ITGBL1: variants seen among roughly 807,000 people sequenced by gnomAD.
ITGBL1 encodes the protein integrin subunit beta like 1.
A neutral mutation model predicts 68.5 loss-of-function variants in ITGBL1; 51 were observed. That is an observed-to-expected ratio of 0.74 (90% confidence interval 0.59 to 0.94). The LOEUF (loss-of-function observed/expected upper bound fraction) is 0.94. Among genes scored for constraint, ITGBL1 ranks in the 40% least tolerant of loss-of-function variants. The pLI is 0.00. For missense variants in ITGBL1, 649 were observed against 647.4 expected, an observed-to-expected ratio of 1.00 and a Z score of -0.03; for synonymous variants, 209 against 227.3, an observed-to-expected ratio of 0.92 and a Z score of 0.72.
At chr13:101,505,070 C>G (rs987903873) in intron 2 of ITGBL1, among the ~76,000 whole-genome samples, 5 of 152,048 alleles carry the variant, frequency 3.3e-5, no homozygotes, top group African/African-American at 1.2e-4. Flanking sequence ...ATCTCTCAAG[C>G]CTCCCTACTT....
Position 101,709,736 on chromosome 13 carries a change from G to T in ITGBL1, c.1279+2834G>T, listed in dbSNP as rs576474244. ...TAAGAGTCAACTATTGTTTGTGTTT[G>T]TGTGTTTACTACGCTCACTATTGAA... is the stretch of plus-strand genomic sequence containing the variant. On this transcript the variant is annotated intron_variant, in intron 9 of 10. Coordinates refer to ENST00000376180, the MANE Select transcript of ITGBL1 (RefSeq NM_004791.3). 2.6e-5 allele frequency among the ~76,000 whole-genome samples: 4 copies of T among 152,312 alleles called. No individual in the cohort carries two copies. In the South Asian group the frequency reaches 8.3e-4, roughly 32 times the overall value.
intron 7 of ITGBL1, among the ~76,000 whole-genome samples, chr13:101,646,734 T>A (rs567104938): frequency 6.6e-6 from 1 of 152,018 alleles, no homozygotes; most frequent in Non-Finnish European, 1.5e-5. Flanking sequence ...AATAAGAGAA[T>A]TAAATGGTTA....
intron 2 of ITGBL1, among the ~76,000 whole-genome samples, chr13:101,466,025 AGAAAGGCCAAGAAAACTTG>A (rs2048377548): frequency 6.6e-6 from 1 of 152,198 alleles, no homozygotes; most frequent in Non-Finnish European, 1.5e-5. Flanking sequence ...ACGTGGAGTC[AGAAAGGCCAAGAAAACTTG>A]GAGGGGAGGG....
chr13:101,586,881 TTAAC>T (rs2050566592), intron 6 of ITGBL1, among the ~76,000 whole-genome samples: 1 of 152,206 alleles, frequency 6.6e-6, no homozygotes, highest in African/African-American at 2.4e-5. Context: ...TTTTTCCTAA[TTAAC>T]AGTCTAAGTT....
At chr13:101,635,448 C>T (rs2032139992) in intron 7 of ITGBL1, among the ~76,000 whole-genome samples, 1 of 151,942 alleles carries the variant, frequency 6.6e-6, no homozygotes, top group Non-Finnish European at 1.5e-5. Context: ...ATAACTCATG[C>T]TAGTCATAGA....
At chr13:101,657,439 T>A (rs1566778827) in intron 7 of ITGBL1, among the ~76,000 whole-genome samples, 1 of 152,194 alleles carries the variant, frequency 6.6e-6, no homozygotes, top group Non-Finnish European at 1.5e-5. Flanking sequence ...ACTTGACTCC[T>A]CAAGTGCCCA....
intron 7 of ITGBL1, among the ~76,000 whole-genome samples, chr13:101,607,279 G>A (rs889786326): frequency 1.4e-4 from 22 of 151,930 alleles, no homozygotes; most frequent in Non-Finnish European, 1.5e-5. Context: ...TTACATAATT[G>A]CAATGGTGCA....
chr13:101,560,599 A>G (rs1333375032), intron 2 of ITGBL1, among the ~76,000 whole-genome samples: 1 of 152,214 alleles, frequency 6.6e-6, no homozygotes, highest in African/African-American at 2.4e-5. Flanking sequence ...CTTTTAAAAG[A>G]TATTGCAAAA....
intron 7 of ITGBL1, among the ~76,000 whole-genome samples, chr13:101,604,446 G>A (rs1372650206): frequency 1.3e-5 from 2 of 151,710 alleles, no homozygotes; most frequent in African/African-American, 4.8e-5. Flanking sequence ...GCCTCTTGAA[G>A]TACTTTAAAA....
chr13:101,706,833 T>C lies in ITGBL1; in HGVS notation c.1210T>C (p.Cys404Arg). 2 of 1,614,164 alleles carry C rather than the reference T, an allele frequency of 1.2e-6. No homozygotes were observed. The highest frequency in any genetic ancestry group is 1.7e-6 in the Non-Finnish European group (2 of 1,180,022). Reference sequence around the variant, plus strand: ...AAAGCTCTGCCAACATCCGCGGAAGTGTAACATGACGGAAGAACAAAGCAA... The same window carrying C: ...AAAGCTCTGCCAACATCCGCGGAAGCGTAACATGACGGAAGAACAAAGCAA... ...FGKLCQHPRK[C>R]NMTEEQSKNL... Residue 404 changes from cysteine (C) to arginine (R), a missense_variant, in exon 9 of 11, where the codon TGT becomes CGT. Transcript: ENST00000376180.
chr13:101,481,002 ATG>A (rs71121195), intron 2 of ITGBL1, among the ~76,000 whole-genome samples: 25,318 of 142,678 alleles, frequency 0.18, 2,704 homozygotes, highest in East Asian at 0.53. Flanking sequence ...GCCAAAAGAT[ATG>A]TGTGTGTGTG....
intron 7 of ITGBL1, among the ~76,000 whole-genome samples, chr13:101,681,792 CTG>C (rs1309622227): frequency 6.6e-6 from 1 of 150,750 alleles, no homozygotes; most frequent in Non-Finnish European, 1.5e-5. Flanking sequence ...TGGTGTGTGT[CTG>C]TGTGTGTGTG....
rs534137544 is a variant in ITGBL1, at chr13:101,554,049, C to T, written c.317-13650C>T. Among the ~76,000 whole-genome samples, 4 of 152,260 alleles carry T rather than the reference C, an allele frequency of 2.6e-5. No homozygotes were observed. In the South Asian group the frequency reaches 8.3e-4, roughly 32 times the overall value. On this transcript the variant is annotated intron_variant, in intron 2 of 10. Coordinates refer to ENST00000376180, the MANE Select transcript of ITGBL1 (RefSeq NM_004791.3). The stretch of plus-strand genomic sequence containing the variant: ...TCGGCCTCCCAAAGTTCTGGGATTA[C>T]AGGCATGAGCCCCCGCTGTGCCCGG...
chr13:101,678,604 G>A (rs2033564681), intron 7 of ITGBL1, among the ~76,000 whole-genome samples: 2 of 151,274 alleles, frequency 1.3e-5, no homozygotes, highest in African/African-American at 2.4e-5. Context: ...GGTTCATGCA[G>A]TTCTCCTGCC....
At chr13:101,641,203 A>C (rs985143995) in intron 7 of ITGBL1, among the ~76,000 whole-genome samples, 2 of 152,154 alleles carry the variant, frequency 1.3e-5, no homozygotes, top group African/African-American at 4.8e-5. Flanking sequence ...TTAGCAGCAG[A>C]GTGTCAATGT....
chr13:101,611,289 A>T (rs1230643441), intron 7 of ITGBL1, among the ~76,000 whole-genome samples: 3 of 152,180 alleles, frequency 2.0e-5, no homozygotes, highest in Non-Finnish European at 4.4e-5. Context: ...GCCAAGTTTT[A>T]TTTAACTGAA....
At chr13:101,579,245 G>A in intron 4 of ITGBL1, 42 bp from the exon 5 acceptor site, 6 of 1,597,830 alleles carry the variant, frequency 3.8e-6, no homozygotes, top group Non-Finnish European at 5.1e-6. Flanking sequence ...GCTTATGAAA[G>A]TTGCTTTTTT....
At chr13:101,538,173 G>A (rs1049730186) in intron 2 of ITGBL1, among the ~76,000 whole-genome samples, 2 of 151,938 alleles carry the variant, frequency 1.3e-5, no homozygotes, top group Non-Finnish European at 2.9e-5. Context: ...TGTATAGTAG[G>A]AAAATAGGAT....
At chr13:101,559,389 A>C (rs761679371) in intron 2 of ITGBL1, among the ~76,000 whole-genome samples, 2 of 152,240 alleles carry the variant, frequency 1.3e-5, no homozygotes, top group Non-Finnish European at 2.9e-5. Flanking sequence ...GAAGTAGGTC[A>C]AGAAAAATTT....
Sources: allele counts gnomAD v4.1 joint callset (sites outside exome capture counted in the v4.1 genomes callset), GRCh38; gene constraint gnomAD v4.1.1; transcripts MANE v1.5; gene names NCBI Gene and HGNC (gene_info 2026-07-23, HGNC 2026-07-21).